The following TANC2 variants were observed in gnomAD, a reference collection of about 807,000 sequenced individuals.
The protein encoded by TANC2 is protein TANC2.
A neutral mutation model predicts 210.5 loss-of-function variants in TANC2; 26 were observed. The ratio of observed to expected loss-of-function variants is 0.12; its 90% CI spans 0.09 to 0.17. TANC2 has a LOEUF of 0.17. Among genes scored for constraint, TANC2 ranks in the 10% least tolerant of loss-of-function variants. The probability of loss-of-function intolerance (pLI) is 1.00; values close to 1 mark genes in which losing one functional copy is unlikely to be tolerated. For synonymous variants in TANC2, 931 were observed against 967.1 expected (o/e 0.96, Z 0.69); for missense variants, 2,129 against 2,608.9 (o/e 0.82, Z 4.01).
chr17:63,351,399 G>C, exon 13 of TANC2: 4 of 1,605,612 alleles, frequency 2.5e-6, no homozygotes, highest in Non-Finnish European at 3.4e-6. Context: ...AATTGTAACA[G>C]TTAGGACCAG....
At chr17:63,182,808 T>C (rs2040836003) in intron 5 of TANC2, 1 of 152,586 alleles carries the variant, frequency 6.6e-6, no homozygotes, top group Non-Finnish European at 1.5e-5. Flanking sequence ...TTGAAAAGGG[T>C]CAAGAAAGAG....
intron 5 of TANC2, chr17:63,182,596 C>A: frequency 4.9e-6 from 1 of 204,184 alleles, no homozygotes; most frequent in Non-Finnish European, 1.0e-5. Flanking sequence ...AGTCATTTTT[C>A]TCCACCTTGA....
intron 4 of TANC2, among the ~76,000 whole-genome samples, chr17:63,132,151 C>T (rs1458506670): frequency 2.0e-5 from 3 of 151,992 alleles, no homozygotes; most frequent in African/African-American, 7.2e-5. Flanking sequence ...GAAGATGTAT[C>T]GATTTATTTC....
At chr17:63,364,435 G>C (rs985823871) in intron 14 of TANC2, among the ~76,000 whole-genome samples, 2 of 152,000 alleles carry the variant, frequency 1.3e-5, no homozygotes, top group African/African-American at 2.4e-5. Context: ...TTAAAACTGA[G>C]AACTACTTAT....
intron 5 of TANC2, among the ~76,000 whole-genome samples, chr17:63,183,025 A>G (rs575784936): frequency 1.1e-4 from 16 of 152,210 alleles, no homozygotes; most frequent in East Asian, 1.9e-4. Flanking sequence ...TGGAGTCCCT[A>G]TTTGTCTTAA....
chr17:63,365,606 T>C lies in TANC2; in HGVS notation c.2582+10216T>C, dbSNP rs186419019. ...GTTCAAAGCCCTGTATTTATAGATA[T>C]AGCTTCTGCCTCCCTCCCTGAATTA... On this transcript the variant is annotated intron_variant, in intron 14 of 27. Coordinates refer to ENST00000689528, the Ensembl canonical transcript of TANC2. Among the ~76,000 whole-genome samples the C allele has an allele frequency of 8.7e-4, 133 of 152,340 alleles. 1 individual carries two copies. The highest frequency in any genetic ancestry group is 2.9e-3 in the African/African-American group (121 of 41,588).
chr17:63,060,117 A>C (rs1188457310), intron 2 of TANC2, among the ~76,000 whole-genome samples: 1 of 152,202 alleles, frequency 6.6e-6, no homozygotes, highest in Admixed American at 6.5e-5. Flanking sequence ...GTAAGGGAAG[A>C]TAGAAATAGT....
At chr17:63,358,962 T>G (rs974305028) in intron 14 of TANC2, among the ~76,000 whole-genome samples, 2 of 139,278 alleles carry the variant, frequency 1.4e-5, no homozygotes, top group African/African-American at 2.8e-5. Flanking sequence ...TAGGAACGGC[T>G]CTCAGATTAA....
chr17:63,390,537 G>T (rs149843852), intron 17 of TANC2: 1 of 152,328 alleles, frequency 6.6e-6, no homozygotes, highest in Admixed American at 6.5e-5. Context: ...CTGTTGCCTA[G>T]GCCAGAGTGC....
chr17:63,063,531 C>CGTGTGTGTGTGTGTGTGT (rs59132639), intron 2 of TANC2, among the ~76,000 whole-genome samples: 1 of 108,148 alleles, frequency 9.2e-6, no homozygotes, highest in Non-Finnish European at 1.9e-5. Flanking sequence ...GGGACAAAGA[C>CGTGTGTGTGTGTGTGTGT]GTGTGTGTGT....
At chr17:63,166,041 C>T (rs1186840723) in intron 5 of TANC2, among the ~76,000 whole-genome samples, 1 of 152,138 alleles carries the variant, frequency 6.6e-6, no homozygotes, top group African/African-American at 2.4e-5. Context: ...GCATGTAGTA[C>T]CCCTTGTAGA....
chr17:63,316,276 T>C (rs1734404900), intron 10 of TANC2, among the ~76,000 whole-genome samples: 1 of 144,432 alleles, frequency 6.9e-6, no homozygotes, highest in South Asian at 2.2e-4. Flanking sequence ...GCAATTTGAG[T>C]GTGTCAGAAA....
intron 8 of TANC2, among the ~76,000 whole-genome samples, chr17:63,260,999 AG>A (rs750758229): frequency 2.5e-4 from 38 of 152,198 alleles, no homozygotes; most frequent in South Asian, 6.2e-4. Context: ...TGGGAGGCCA[AG>A]TTACAAGGAT....
At chr17:63,284,589 A>T (rs1489411153) in intron 9 of TANC2, among the ~76,000 whole-genome samples, 3 of 151,810 alleles carry the variant, frequency 2.0e-5, no homozygotes, top group Admixed American at 1.3e-4. Flanking sequence ...TCCAAGTGTA[A>T]TTTCACTGTT....
Position 63,349,807 on chromosome 17 carries a change from C to G in TANC2, c.1808-1443C>G, listed in dbSNP as rs532203387. 1.2e-4 allele frequency among the ~76,000 whole-genome samples: 18 copies of G among 152,194 alleles called. No individual in the cohort carries two copies. In the South Asian group the frequency reaches 1.2e-3, roughly 10 times the overall value. ...AATCAAGAACATAACACCCACCCCCCTCGTTGTTTGGGTAAATCCCAGTTA... is the reference window on the plus strand; with the variant it reads ...AATCAAGAACATAACACCCACCCCCGTCGTTGTTTGGGTAAATCCCAGTTA... On this transcript the variant is annotated intron_variant, in intron 12 of 27. Coordinates refer to ENST00000689528, the Ensembl canonical transcript of TANC2.
At chr17:63,074,003 G>T in exon 3 of TANC2, 5 of 1,580,524 alleles carry the variant, frequency 3.2e-6, no homozygotes, top group South Asian at 1.2e-5. Flanking sequence ...CGCCAAAGCC[G>T]CTCTGGGCAA....
chr17:63,351,354 A>G (rs768083183), exon 13 of TANC2: 2 of 1,610,864 alleles, frequency 1.2e-6, no homozygotes, highest in Non-Finnish European at 1.7e-6. Context: ...GTTTCTGAGT[A>G]AAATGATCGG....
intron 11 of TANC2, chr17:63,332,436 C>A: frequency 2.8e-6 from 1 of 358,750 alleles, no homozygotes. Flanking sequence ...TGAACAGACT[C>A]TGCAATAAAG....
intron 9 of TANC2, among the ~76,000 whole-genome samples, chr17:63,268,250 T>C (rs1444367023): frequency 6.7e-6 from 1 of 150,244 alleles, no homozygotes; most frequent in Non-Finnish European, 1.5e-5. Flanking sequence ...CTGATCATAA[T>C]GTACAGGTTG....
Sources: gnomAD v4.1 joint callset for allele counts (sites outside exome capture counted in the v4.1 genomes callset) on GRCh38, gnomAD v4.1.1 for gene constraint, MANE v1.5 for transcripts, NCBI Gene and HGNC (gene_info 2026-07-23, HGNC 2026-07-21) for gene names.